The following ZNF385D variants were observed in gnomAD, a reference collection of about 807,000 sequenced individuals.
The protein encoded by ZNF385D is zinc finger protein 385D, also known as zinc finger protein 659.
In ZNF385D, 15 loss-of-function variants were observed where a neutral mutation model predicts 35.8. That is an observed-to-expected ratio of 0.42 (90% CI 0.28 to 0.64). ZNF385D has a LOEUF of 0.64. Among genes scored for constraint, ZNF385D ranks in the 30% least tolerant of loss-of-function variants. ZNF385D has a pLI of 0.23. For synonymous variants in ZNF385D, 212 were observed against 186.8 expected (o/e 1.13, Z -1.10); for missense variants, 474 against 494.6 (o/e 0.96, Z 0.39).
chr3:22,150,532 G>C (rs527365150), intron 3 of ZNF385D, among the ~76,000 whole-genome samples: 1 of 152,130 alleles, frequency 6.6e-6, no homozygotes, highest in South Asian at 2.1e-4. Flanking sequence ...GTTTTGAATA[G>C]AAGTTATTTA....
At chr3:21,603,649 C>T (rs1373853015) in intron 2 of ZNF385D, among the ~76,000 whole-genome samples, 2 of 146,210 alleles carry the variant, frequency 1.4e-5, no homozygotes, top group Non-Finnish European at 1.5e-5. Flanking sequence ...TAAAAATATA[C>T]ATTTGTATGC....
chr3:21,687,595 G>T (rs1010483757), intron 1 of ZNF385D, among the ~76,000 whole-genome samples: 5 of 152,022 alleles, frequency 3.3e-5, no homozygotes, highest in African/African-American at 1.2e-4. Context: ...AGGGTTCATA[G>T]TTTACATTAA....
upstream of ZNF385D, among the ~76,000 whole-genome samples, chr3:21,755,147 G>C (rs1219357747): frequency 2.0e-5 from 3 of 152,166 alleles, no homozygotes; most frequent in African/African-American, 7.2e-5. Context: ...TAGCTCAGTT[G>C]TGTCTTCCAT....
chr3:21,938,469 A>G (rs1054685969), intron 3 of ZNF385D, among the ~76,000 whole-genome samples: 3 of 152,226 alleles, frequency 2.0e-5, no homozygotes, highest in African/African-American at 7.2e-5. Flanking sequence ...TACCCACAGC[A>G]CATACATGAA....
intron 3 of ZNF385D, among the ~76,000 whole-genome samples, chr3:22,085,865 T>G (rs1030088677): frequency 2.0e-5 from 3 of 152,204 alleles, no homozygotes; most frequent in Non-Finnish European, 4.4e-5. Context: ...CATGATCAAG[T>G]CAGCTTCATC....
intron 2 of ZNF385D, among the ~76,000 whole-genome samples, chr3:22,294,665 T>G (rs1017826198): frequency 3.3e-5 from 5 of 151,984 alleles, no homozygotes; most frequent in Non-Finnish European, 5.9e-5. Context: ...ACTAACTGAG[T>G]GTTGATGAGT....
At chr3:22,253,488 A>G (rs1027368529) in intron 2 of ZNF385D, among the ~76,000 whole-genome samples, 2 of 151,992 alleles carry the variant, frequency 1.3e-5, no homozygotes, top group Non-Finnish European at 2.9e-5. Context: ...AGAGTTTTCA[A>G]TCAATACACT....
At chr3:22,035,301 G>T (rs1398853115) in intron 3 of ZNF385D, among the ~76,000 whole-genome samples, 1 of 152,036 alleles carries the variant, frequency 6.6e-6, no homozygotes, top group Non-Finnish European at 1.5e-5. Flanking sequence ...TGAGAAACAG[G>T]GCTGGACAGT....
chr3:21,971,422 G>T (rs1364910502), intron 3 of ZNF385D, among the ~76,000 whole-genome samples: 1 of 151,310 alleles, frequency 6.6e-6, no homozygotes, highest in Admixed American at 6.6e-5. Context: ...TAAAATCATG[G>T]GTTATAAGAT....
intron 3 of ZNF385D, among the ~76,000 whole-genome samples, chr3:22,147,392 T>C (rs971277084): frequency 1.2e-4 from 19 of 152,278 alleles, no homozygotes; most frequent in African/African-American, 4.1e-4. Context: ...GAATTGGCCA[T>C]AGCCCAAATC....
At chr3:22,212,228 C>T (rs568419081) in intron 2 of ZNF385D, among the ~76,000 whole-genome samples, 1 of 151,984 alleles carries the variant, frequency 6.6e-6, no homozygotes, top group Non-Finnish European at 1.5e-5. Context: ...GACCATCAAA[C>T]GCTGCCTCAT....
intron 3 of ZNF385D, among the ~76,000 whole-genome samples, chr3:21,887,447 G>A (rs1698606618): frequency 6.6e-6 from 1 of 152,090 alleles, no homozygotes; most frequent in South Asian, 2.1e-4. Flanking sequence ...AAATCTGAAT[G>A]TTTTCTAAGT....
At chr3:21,643,012 G>A (rs1465684682) in intron 2 of ZNF385D, among the ~76,000 whole-genome samples, 1 of 151,960 alleles carries the variant, frequency 6.6e-6, no homozygotes, top group African/African-American at 2.4e-5. Flanking sequence ...TGGCGGTGAC[G>A]AATGCACAAT....
chr3:22,334,939 A>G (rs1406813269), intron 2 of ZNF385D, among the ~76,000 whole-genome samples: 2 of 152,144 alleles, frequency 1.3e-5, no homozygotes, highest in Non-Finnish European at 2.9e-5. Context: ...AGTTTTCAAT[A>G]TCAATTTTTT....
intron 4 of ZNF385D, among the ~76,000 whole-genome samples, chr3:21,474,117 AT>A (rs879945004): frequency 1.1e-4 from 2 of 17,928 alleles, no homozygotes; most frequent in Non-Finnish European, 1.7e-4. Flanking sequence ...CGTGGAACAA[AT>A]TTTTTTTTAA....
At chr3:22,129,034 G>A (rs1379091693) in intron 3 of ZNF385D, among the ~76,000 whole-genome samples, 2 of 152,118 alleles carry the variant, frequency 1.3e-5, no homozygotes, top group African/African-American at 4.8e-5. Context: ...GCAGCCATAT[G>A]GGCATTAGGC....
chr3:22,136,025 A>G (rs1471279170), intron 3 of ZNF385D, among the ~76,000 whole-genome samples: 1 of 152,192 alleles, frequency 6.6e-6, no homozygotes, highest in Non-Finnish European at 1.5e-5. Flanking sequence ...GTAAGAGAAA[A>G]AAGAAGAGAA....
intron 2 of ZNF385D, among the ~76,000 whole-genome samples, chr3:21,631,004 G>A (rs1169299404): frequency 3.3e-5 from 5 of 151,982 alleles, no homozygotes; most frequent in Non-Finnish European, 7.4e-5. Context: ...TAGATACCAG[G>A]GAACAACTTT....
intron 2 of ZNF385D, among the ~76,000 whole-genome samples, chr3:22,248,540 G>C (rs1414972390): frequency 6.6e-6 from 1 of 151,824 alleles, no homozygotes; most frequent in African/African-American, 2.4e-5. Flanking sequence ...TAAAAATTGG[G>C]CCTCTCTAAA....
Sources: gnomAD v4.1 joint callset for allele counts (sites outside exome capture counted in the v4.1 genomes callset) on GRCh38, gnomAD v4.1.1 for gene constraint, MANE v1.5 for transcripts, NCBI Gene and HGNC (gene_info 2026-07-23, HGNC 2026-07-21) for gene names.